Variants in RYR2 observed in about 807,000 individuals in gnomAD.
RYR2 encodes ryanodine receptor 2.
Under a neutral mutation model 601.1 loss-of-function variants are expected in RYR2, and 227 were observed. The ratio of observed to expected loss-of-function variants is 0.38; its 90% confidence interval spans 0.34 to 0.42. The LOEUF (loss-of-function observed/expected upper bound fraction) is 0.42, where lower values mean the gene tolerates loss of function less well. RYR2 is among the 10% of genes least tolerant of loss of function. The pLI, the probability that RYR2 is intolerant of heterozygous loss-of-function variation, is 1.00. For missense variants in RYR2, 4,646 were observed against 6,156.5 expected, an observed-to-expected ratio of 0.75 and a Z score of 8.21; for synonymous variants, 2,223 against 2,175.1, an observed-to-expected ratio of 1.02 and a Z score of -0.61.
At chr1:237,557,320 G>T (rs1671008748) in intron 27 of RYR2, among the ~76,000 whole-genome samples, 1 of 152,110 alleles carries the variant, frequency 6.6e-6, no homozygotes, top group African/African-American at 2.4e-5. Flanking sequence ...ACTAAATGAA[G>T]CCCACACTTT....
chr1:237,792,398 CGTGT>C (rs71162418), intron 94 of RYR2, 75 bp downstream of exon 94: 23,764 of 474,328 alleles, frequency 0.05, 17 homozygotes, highest in East Asian at 0.11. Flanking sequence ...TGTGTGTGTG[CGTGT>C]GTGTGTGTGT....
intron 2 of RYR2, among the ~76,000 whole-genome samples, chr1:237,307,928 A>AGGGCT (rs1465860599): frequency 0.29 from 41,198 of 143,506 alleles, 8,641 homozygotes; most frequent in South Asian, 0.43. Context: ...ATTTTGAGTG[A>AGGGCT]AGGCTAGGAA....
chr1:237,802,156 T>G lies in RYR2; in HGVS notation c.14151+240T>G, dbSNP rs1170489879. On this transcript the variant is annotated intron_variant, in intron 98 of 104. Coordinates refer to ENST00000366574, the MANE Select transcript of RYR2 (RefSeq NM_001035.3). ...TATGAAAAACTGAGATGCAGATTTGTGAGTACGTTCATTAAGGTTTTAATT... is the reference window on the plus strand; with the variant it reads ...TATGAAAAACTGAGATGCAGATTTGGGAGTACGTTCATTAAGGTTTTAATT... 1.5e-5 allele frequency: 5 copies of G among 329,318 alleles called. No individual in the cohort carries two copies. The East Asian group carries it at 1.9e-4, about 12-fold the overall frequency. The allele number at this position is 329,318 out of a possible 1,614,324, so 20.4% of individuals were successfully genotyped here. A position where few individuals can be genotyped will look rare whatever the true frequency, so the allele number is the denominator to read the frequency against.
chr1:237,148,535 T>TATATATATATATATACACACAC (rs1558320098), intron 1 of RYR2, among the ~76,000 whole-genome samples: 44 of 125,112 alleles, frequency 3.5e-4, no homozygotes, highest in Admixed American at 7.2e-4. Context: ...AAAATATATA[T>TATATATATATATATACACACAC]ATATATATAT....
chr1:237,616,777 A>G (rs926463470), intron 37 of RYR2, among the ~76,000 whole-genome samples: 2 of 152,198 alleles, frequency 1.3e-5, no homozygotes, highest in Admixed American at 6.5e-5. Flanking sequence ...TATAAAGGGA[A>G]AAGGTTTAAT....
At chr1:237,471,781 C>T (rs968709412) in intron 17 of RYR2, among the ~76,000 whole-genome samples, 1 of 151,122 alleles carries the variant, frequency 6.6e-6, no homozygotes, top group Non-Finnish European at 1.5e-5. Flanking sequence ...TCCAGTCAAT[C>T]TGTTGATTGC....
chr1:237,460,966 C>T (rs1395188416), intron 16 of RYR2, among the ~76,000 whole-genome samples: 1 of 152,104 alleles, frequency 6.6e-6, no homozygotes, highest in Non-Finnish European at 1.5e-5. Flanking sequence ...TGTCTCCAAC[C>T]TCTTGCTTCA....
chr1:237,598,202 T>G (rs1676090828), intron 34 of RYR2, among the ~76,000 whole-genome samples: 3 of 152,218 alleles, frequency 2.0e-5, no homozygotes, highest in South Asian at 4.1e-4. Context: ...TAGGCTTCAA[T>G]GCAACAATAG....
chr1:237,795,844 A>G (rs1323684901), intron 96 of RYR2, among the ~76,000 whole-genome samples: 28 of 114,210 alleles, frequency 2.5e-4, no homozygotes, highest in African/African-American at 1.2e-3. Context: ...GTGTATATAT[A>G]TATATGTATA....
intron 25 of RYR2, among the ~76,000 whole-genome samples, chr1:237,535,517 A>ACT (rs1491029314): frequency 6.7e-6 from 1 of 149,048 alleles, no homozygotes; most frequent in East Asian, 2.0e-4. Context: ...ACACACACAC[A>ACT]CGTCCCAAAC....
intron 27 of RYR2, among the ~76,000 whole-genome samples, chr1:237,553,371 A>G (rs572552215): frequency 6.6e-6 from 1 of 152,150 alleles, no homozygotes; most frequent in South Asian, 2.1e-4. Flanking sequence ...GTCAAAACCT[A>G]TTGAACACAT....
In RYR2 at chr1:237,770,906, C is replaced by T. The variant is rs113408406; in HGVS notation, c.11557+19C>T. The T allele has an allele frequency of 0.025, 37,556 of 1,475,274 alleles. 620 individuals carry two copies. Among genetic ancestry groups the T allele is most frequent in the Non-Finnish European group, 0.031 (33,023 of 1,081,018 alleles). 91.4% of individuals were successfully genotyped at this position (1,475,274 alleles called of 1,614,324 possible). ...AACTCAGGTTTGTGAGTCCCCGGAA[C>T]TTCTGATGATACTAAGGCATAAATA... On this transcript the variant is annotated intron_variant, in intron 85 of 104. Coordinates refer to ENST00000366574, the MANE Select transcript of RYR2 (RefSeq NM_001035.3).
At chr1:237,406,832 T>C (rs1425357323) in intron 10 of RYR2, among the ~76,000 whole-genome samples, 1 of 152,196 alleles carries the variant, frequency 6.6e-6, no homozygotes, top group Non-Finnish European at 1.5e-5. Flanking sequence ...GTACTCTTGT[T>C]ATAAATGATA....
At chr1:237,454,895 C>T (rs1463997992) in intron 15 of RYR2, among the ~76,000 whole-genome samples, 1 of 152,118 alleles carries the variant, frequency 6.6e-6, no homozygotes, top group Non-Finnish European at 1.5e-5. Flanking sequence ...TTAAGAATCT[C>T]AAAGTGTCTG....
intron 2 of RYR2, 143 bp from the exon 3 acceptor site, chr1:237,330,733 CAG>C: frequency 1.4e-6 from 1 of 696,926 alleles, no homozygotes; most frequent in Non-Finnish European, 2.6e-6. Flanking sequence ...GGAGTAATGA[CAG>C]TGTTTCTTGA....
chr1:237,266,550 T>C (rs1247371548), intron 1 of RYR2, among the ~76,000 whole-genome samples: 2 of 152,274 alleles, frequency 1.3e-5, no homozygotes, highest in Middle Eastern at 3.4e-3. Context: ...CTGAGATGAA[T>C]GATGGGGTTA....
intron 56 of RYR2, among the ~76,000 whole-genome samples, chr1:237,666,124 A>G (rs556179613): frequency 6.6e-6 from 1 of 152,374 alleles, no homozygotes; most frequent in South Asian, 2.1e-4. Flanking sequence ...TGACCCATCA[A>G]GACATTTGTA....
Position 237,042,477 on chromosome 1 carries a change from C to T in RYR2, c.-45C>T, listed in dbSNP as rs1269654589. 4 of 1,242,466 alleles carry T rather than the reference C, an allele frequency of 3.2e-6. No individual in the cohort carries two copies. The African/African-American group carries it at 6.2e-5, about 19-fold the overall frequency. The allele number at this position is 1,242,466 out of a possible 1,614,324, so 77.0% of individuals were successfully genotyped here. On this transcript the variant is annotated 5_prime_UTR_variant, in exon 1 of 105. Coordinates refer to ENST00000366574, the MANE Select transcript of RYR2 (RefSeq NM_001035.3). ...GCCAGGGGCCGCCGCCGCCGCCGAG[C>T]TCCGCGGGGCTCGGGAGCCGGCCCC... is the stretch of plus-strand genomic sequence containing the variant.
At chr1:237,434,362 C>A (rs1397819193) in intron 12 of RYR2, among the ~76,000 whole-genome samples, 1 of 152,092 alleles carries the variant, frequency 6.6e-6, no homozygotes, top group Non-Finnish European at 1.5e-5. Flanking sequence ...CCTATATATT[C>A]AGAAAAAAAC....
Sources: allele counts gnomAD v4.1 joint callset (sites outside exome capture counted in the v4.1 genomes callset), GRCh38; gene constraint gnomAD v4.1.1; transcripts MANE v1.5; gene names NCBI Gene and HGNC (gene_info 2026-07-23, HGNC 2026-07-21).